The following MEIG1 variants were observed in gnomAD, a reference collection of about 807,000 sequenced individuals.
MEIG1 encodes meiosis/spermiogenesis associated 1.
A neutral mutation model predicts 11.3 loss-of-function variants in MEIG1; 12 were observed. That is an observed-to-expected ratio of 1.07 (90% confidence interval 0.68 to 1.73). MEIG1 has a LOEUF of 1.73. MEIG1 is among the 40% of genes most tolerant of loss of function. MEIG1 has a pLI of 0.00. For synonymous variants in MEIG1, 41 were observed against 33.2 expected (o/e 1.24, Z -0.81); for missense variants, 119 against 104.9 (o/e 1.13, Z -0.59).
At chr10:14,976,652 T>C (rs1386313251), downstream of MEIG1, among the ~76,000 whole-genome samples, 4 of 152,106 alleles carry the variant, frequency 2.6e-5, no homozygotes, top group Non-Finnish European at 5.9e-5. Flanking sequence ...GTGTACACCT[T>C]GTGAAATTAT....
chr10:14,958,006 G>C (rs1427154101), upstream of MEIG1, among the ~76,000 whole-genome samples: 1 of 152,176 alleles, frequency 6.6e-6, no homozygotes, highest in Admixed American at 6.5e-5. Context: ...TACAGAGGGG[G>C]CATAGAGAGC....
At chr10:14,983,758 C>T (rs1465982039) in intron 1 of MEIG1, among the ~76,000 whole-genome samples, 3 of 151,990 alleles carry the variant, frequency 2.0e-5, no homozygotes, top group African/African-American at 4.8e-5. Flanking sequence ...CTTAATAGCG[C>T]AGGGTGTGTA....
At chr10:14,972,492 A>G in intron 2 of MEIG1, 21 bp from the exon 3 acceptor site, 1 of 1,613,828 alleles carries the variant, frequency 6.2e-7, no homozygotes, top group Non-Finnish European at 8.5e-7. Flanking sequence ...TAACGTTTGT[A>G]CTCTGGTTCT....
At chr10:14,958,765 G>A (rs952760920), upstream of MEIG1, among the ~76,000 whole-genome samples, 1 of 152,192 alleles carries the variant, frequency 6.6e-6, no homozygotes, top group African/African-American at 2.4e-5. Context: ...GCGTGGTGGT[G>A]GGTGCCTGTA....
intron 1 of MEIG1, among the ~76,000 whole-genome samples, chr10:14,964,153 G>A (rs1843049966): frequency 6.6e-6 from 1 of 150,424 alleles, no homozygotes; most frequent in African/African-American, 2.4e-5. Context: ...AGAATGTTAA[G>A]TAATTTAACA....
chr10:14,981,463 G>T (rs897594679), intron 1 of MEIG1, among the ~76,000 whole-genome samples: 2 of 152,112 alleles, frequency 1.3e-5, no homozygotes, highest in Non-Finnish European at 2.9e-5. Context: ...AGTCCGAGGC[G>T]AGCAGAAAGC....
rs1050938983 is a variant in MEIG1 at position 14,972,372 on chromosome 10, T to C, written c.139-141T>C. The C allele has an allele frequency of 3.0e-5, 33 of 1,090,796 alleles. No homozygotes were observed. The South Asian group carries it at 4.2e-4, about 14-fold the overall frequency. The allele number at this position is 1,090,796 out of a possible 1,614,324, so 67.6% of individuals were successfully genotyped here. On this transcript the variant is annotated intron_variant, in intron 2 of 2. Coordinates refer to ENST00000407572, the MANE Select transcript of MEIG1 (RefSeq NM_001080836.3). ...TGTAAGATGTGTCTTGTGGGTATCA[T>C]ACTTTAAAAGCTCAAGCATTCTAAA... is the stretch of plus-strand genomic sequence containing the variant.
intron 2 of MEIG1, among the ~76,000 whole-genome samples, chr10:14,970,041 T>G (rs1054451104): frequency 3.3e-5 from 5 of 152,194 alleles, no homozygotes; most frequent in African/African-American, 1.2e-4. Flanking sequence ...GAGGGCTTAG[T>G]GTCCCCAGTG....
At chr10:14,978,377 T>C (rs977762692) in intron 1 of MEIG1, among the ~76,000 whole-genome samples, 2 of 151,940 alleles carry the variant, frequency 1.3e-5, no homozygotes, top group Non-Finnish European at 2.9e-5. Flanking sequence ...GTCCACACTG[T>C]GATATTATTA....
intron 1 of MEIG1, among the ~76,000 whole-genome samples, chr10:14,983,467 A>C (rs7067706): frequency 0.043 from 6,464 of 152,026 alleles, 401 homozygotes; most frequent in African/African-American, 0.14. Context: ...GGAGGTGTAC[A>C]CCCATCCTGG....
chr10:14,955,254 T>A (rs1478754580), upstream of MEIG1, among the ~76,000 whole-genome samples: 3 of 152,226 alleles, frequency 2.0e-5, no homozygotes, highest in Non-Finnish European at 2.9e-5. Context: ...AAGTCCCACT[T>A]TGTGCACAGC....
intron 1 of MEIG1, among the ~76,000 whole-genome samples, chr10:14,962,119 A>G (rs1843021880): frequency 6.6e-6 from 1 of 152,146 alleles, no homozygotes; most frequent in South Asian, 2.1e-4. Flanking sequence ...TGTATTTTTT[A>G]TCAATTCTTT....
chr10:14,983,867 C>T (rs1270924774), intron 1 of MEIG1, among the ~76,000 whole-genome samples: 1 of 151,902 alleles, frequency 6.6e-6, no homozygotes, highest in Non-Finnish European at 1.5e-5. Context: ...GATATTGTTC[C>T]CATGATCCAG....
intron 1 of MEIG1, among the ~76,000 whole-genome samples, chr10:14,983,210 A>C (rs12269656): frequency 0.12 from 18,680 of 151,926 alleles, 1,292 homozygotes; most frequent in Middle Eastern, 0.23. Context: ...TGGCGTATGA[A>C]GTTACTCCCA....
chr10:14,961,010 C>CA (rs1193841303), intron 1 of MEIG1, among the ~76,000 whole-genome samples: 5 of 152,182 alleles, frequency 3.3e-5, no homozygotes, highest in Admixed American at 6.5e-5. Flanking sequence ...GCCTGAGCAA[C>CA]AAGAGTGAAA....
In MEIG1 at chr10:14,978,029, A is replaced by C. The variant is rs546029397; in HGVS notation, n.66+5409A>C. 1.9e-4 allele frequency among the ~76,000 whole-genome samples: 29 copies of C among 151,792 alleles called. 1 individual carries two copies. In the South Asian group the frequency reaches 6.0e-3, roughly 32 times the overall value. ...CCCTGTTCTATTATTGTAATATTCTAGGGGGGTGTTCCTTTTAAAGTCACA... is the reference window on the plus strand; with the variant it reads ...CCCTGTTCTATTATTGTAATATTCTCGGGGGGTGTTCCTTTTAAAGTCACA... On this transcript the variant is annotated intron_variant and non_coding_transcript_variant, in intron 1 of 2. Coordinates refer to the MEIG1 transcript ENST00000467536.
chr10:14,982,484 A>C (rs1843274934), intron 1 of MEIG1, among the ~76,000 whole-genome samples: 1 of 152,132 alleles, frequency 6.6e-6, no homozygotes, highest in South Asian at 2.1e-4. Context: ...GTGGGTCTGG[A>C]TAACAGTTTG....
Position 14,981,603 on chromosome 10 carries a change from A to G in MEIG1, n.67-5193A>G, listed in dbSNP as rs559862233. On this transcript the variant is annotated intron_variant and non_coding_transcript_variant, in intron 1 of 2. Coordinates refer to the MEIG1 transcript ENST00000467536. ...GAAAATCAATGTCTCTACCCCCGAC[A>G]GTCATTCTGACCAGAGGCTCTTTGG... 2.0e-5 allele frequency among the ~76,000 whole-genome samples: 3 copies of G among 152,046 alleles called. No homozygotes were observed. In the South Asian group the frequency reaches 6.2e-4, roughly 32 times the overall value.
At chr10:14,972,321 A>G (rs1843160755) in intron 2 of MEIG1, among the ~76,000 whole-genome samples, 192 bp from the exon 3 acceptor site, 1 of 152,190 alleles carries the variant, frequency 6.6e-6, no homozygotes, top group Non-Finnish European at 1.5e-5. Flanking sequence ...GGCCTGAATT[A>G]GTTATCTTAC....
Sources: gnomAD v4.1 joint callset for allele counts (sites outside exome capture counted in the v4.1 genomes callset) on GRCh38, gnomAD v4.1.1 for gene constraint, MANE v1.5 for transcripts, NCBI Gene and HGNC (gene_info 2026-07-23, HGNC 2026-07-21) for gene names.